ATL1: variants seen among roughly 807,000 people sequenced by gnomAD.
The protein encoded by ATL1 is atlastin GTPase 1, also known as atlastin-1.
In ATL1, 31 loss-of-function variants were observed where a neutral mutation model predicts 75.5. The ratio of observed to expected loss-of-function variants is 0.41; its 90% CI spans 0.31 to 0.55. The LOEUF is 0.55. Ranked by LOEUF, ATL1 falls within the 20% of genes least tolerant of loss-of-function variation. The probability of loss-of-function intolerance (pLI) is 0.27; values close to 1 mark genes in which losing one functional copy is unlikely to be tolerated. For synonymous variants in ATL1, 226 were observed against 233.3 expected (o/e 0.97, Z 0.28); for missense variants, 405 against 662.6 (o/e 0.61, Z 4.27).
upstream of ATL1, among the ~76,000 whole-genome samples, chr14:50,556,814 A>G (rs1216360794): frequency 6.6e-6 from 1 of 152,210 alleles, no homozygotes; most frequent in East Asian, 1.9e-4. Context: ...GTTGTACCAT[A>G]TATTGGTACT....
intron 5 of ATL1, 79 bp from the exon 6 acceptor site, chr14:50,595,497 A>T: frequency 7.4e-7 from 1 of 1,348,120 alleles, no homozygotes; most frequent in Non-Finnish European, 1.1e-6. Context: ...GCCAAGAATT[A>T]AAACTTTGCA....
chr14:50,563,477 G>A (rs1465465237), intron 1 of ATL1, among the ~76,000 whole-genome samples: 2 of 152,060 alleles, frequency 1.3e-5, no homozygotes, highest in African/African-American at 4.8e-5. Flanking sequence ...AGCTAAGTAA[G>A]TATTTTTCAG....
chr14:50,595,590 T>C lies in ATL1; in HGVS notation c.588T>C (p.Tyr196=). The C allele has an allele frequency of 6.2e-7, 1 of 1,613,908 alleles. No individual in the cohort carries two copies. The highest frequency in any genetic ancestry group is 1.1e-5 in the South Asian group (1 of 91,070). Residue 196 remains tyrosine, a synonymous_variant, in exon 6 of 14, where the codon TAT becomes TAC. Coordinates refer to ENST00000358385, the MANE Select transcript of ATL1 (RefSeq NM_015915.5). ...TTTTTTTCTAGCTTTTCACTGAGTA[T>C]GGCAGACTGGCAATGGAGGAAACAT... is the stretch of plus-strand genomic sequence containing the variant. ...DLQHLQLFTE[Y]GRLAMEETFL...
At chr14:50,570,214 A>T (rs2038942009) in intron 1 of ATL1, among the ~76,000 whole-genome samples, 1 of 152,046 alleles carries the variant, frequency 6.6e-6, no homozygotes, top group Non-Finnish European at 1.5e-5. Flanking sequence ...AGGTTTGTTA[A>T]GCTCTATTCA....
intron 1 of ATL1, among the ~76,000 whole-genome samples, chr14:50,539,990 A>G (rs1156605435): frequency 6.6e-6 from 1 of 152,070 alleles, no homozygotes; most frequent in Non-Finnish European, 1.5e-5. Flanking sequence ...GAGGGCCCAT[A>G]CAATTTACTC....
intron 1 of ATL1, among the ~76,000 whole-genome samples, chr14:50,573,465 G>A (rs2038973142): frequency 6.6e-6 from 1 of 152,130 alleles, no homozygotes; most frequent in Non-Finnish European, 1.5e-5. Context: ...GTCACATATG[G>A]CTACTGGCTA....
chr14:50,623,984 A>T (rs1212882221), intron 11 of ATL1, among the ~76,000 whole-genome samples: 1 of 152,132 alleles, frequency 6.6e-6, no homozygotes, highest in Non-Finnish European at 1.5e-5. Flanking sequence ...GAAACAGGGA[A>T]GTGGAGGTTG....
chr14:50,600,427 A>G (rs1462304150), intron 6 of ATL1, among the ~76,000 whole-genome samples: 1 of 152,182 alleles, frequency 6.6e-6, no homozygotes, highest in Non-Finnish European at 1.5e-5. Context: ...AACTACCTGA[A>G]ATTGAAATGC....
At chr14:50,628,561 A>C in intron 12 of ATL1, 99 bp downstream of exon 12, 1 of 1,268,078 alleles carries the variant, frequency 7.9e-7, no homozygotes, top group Non-Finnish European at 1.1e-6. Context: ...GATCAACAGG[A>C]ATTGGGCCCC....
At chr14:50,612,081 T>G (rs1022861318) in intron 6 of ATL1, among the ~76,000 whole-genome samples, 1 of 152,196 alleles carries the variant, frequency 6.6e-6, no homozygotes, top group Admixed American at 6.6e-5. Flanking sequence ...CTATGAATTA[T>G]GAACAATTAT....
At chr14:50,580,108 C>A (rs926698410) in intron 1 of ATL1, among the ~76,000 whole-genome samples, 3 of 152,130 alleles carry the variant, frequency 2.0e-5, no homozygotes, top group African/African-American at 7.2e-5. Context: ...TGTTCCATTA[C>A]CCCAGATAAT....
chr14:50,563,047 C>A (rs1008465594), intron 1 of ATL1, among the ~76,000 whole-genome samples: 1 of 152,198 alleles, frequency 6.6e-6, no homozygotes, highest in Admixed American at 6.5e-5. Context: ...CCTGCTCTGG[C>A]AGTTTGAATT....
In ATL1 at chr14:50,560,272, A is replaced by G. The variant is rs1196523574; in HGVS notation, c.7A>G (p.Lys3Glu). The G allele has an allele frequency of 6.2e-7, 1 of 1,614,026 alleles. No homozygotes were observed. Among genetic ancestry groups the G allele is most frequent in the Non-Finnish European group, 8.5e-7 (1 of 1,179,908 alleles). MA[K>E]NRRDRNSWGG... ...CACCAGCTCCTGGACCACCATGGCC[A>G]AGAACCGCAGGGACAGAAACAGTTG... The change falls in exon 1 of 14, where the codon AAG becomes GAG. Residue 3 changes from lysine to glutamate, a missense_variant. This residue lies in a region of ATL1 where 126 missense variants were observed against 172.0 expected (regional missense o/e 0.73). Transcript: ENST00000358385.
chr14:50,568,213 T>A (rs893747362), intron 1 of ATL1, among the ~76,000 whole-genome samples: 1 of 152,198 alleles, frequency 6.6e-6, no homozygotes, highest in African/African-American at 2.4e-5. Context: ...TATATTCAAA[T>A]GCCGTATTAA....
intron 1 of ATL1, among the ~76,000 whole-genome samples, chr14:50,548,640 G>A (rs2038663904): frequency 6.6e-6 from 1 of 152,082 alleles, no homozygotes. Context: ...CTCCCCAGCA[G>A]CTGGGACTAC....
chr14:50,627,668 T>C (rs1051601108), intron 11 of ATL1, among the ~76,000 whole-genome samples: 6 of 152,250 alleles, frequency 3.9e-5, no homozygotes, highest in African/African-American at 1.4e-4. Flanking sequence ...TTAGATTTCC[T>C]AGAATTTGGA....
Position 50,554,942 on chromosome 14 carries a change from T to C in ATL1, c.-139-5185T>C, listed in dbSNP as rs563156029. 4.9e-4 allele frequency among the ~76,000 whole-genome samples: 75 copies of C among 152,342 alleles called. 1 individual carries two copies. The highest frequency in any genetic ancestry group is 1.8e-3 in the African/African-American group (75 of 41,588). On this transcript the variant is annotated intron_variant, in intron 1 of 13. Transcript: ENST00000441560. ...GATGGTAGAGTGCACCTTTGTCTTT[T>C]TGGCAAAGTCTTCTGGTTATTTTCC...
intron 1 of ATL1, among the ~76,000 whole-genome samples, chr14:50,570,355 C>G (rs2038943550): frequency 6.6e-6 from 1 of 151,772 alleles, no homozygotes; most frequent in Non-Finnish European, 1.5e-5. Context: ...TTTTTCATTT[C>G]AATTATTATA....
intron 1 of ATL1, among the ~76,000 whole-genome samples, chr14:50,540,496 C>G (rs976574458): frequency 6.6e-6 from 1 of 152,144 alleles, no homozygotes; most frequent in Non-Finnish European, 1.5e-5. Flanking sequence ...GGTGACTTTT[C>G]CCCAAGGCCA....
Sources: allele counts gnomAD v4.1 joint callset (sites outside exome capture counted in the v4.1 genomes callset), GRCh38; gene constraint gnomAD v4.1.1; regional missense constraint gnomAD v4.1.1; transcripts MANE v1.5; gene names NCBI Gene and HGNC (gene_info 2026-07-23, HGNC 2026-07-21).